Variants in KLHL18 observed in about 807,000 individuals in gnomAD.
The protein encoded by KLHL18 is kelch-like protein 18.
Under a neutral mutation model 58.5 loss-of-function variants are expected in KLHL18, and 38 were observed. That is an observed-to-expected ratio of 0.65 (90% CI 0.50 to 0.85). The LOEUF (loss-of-function observed/expected upper bound fraction) is 0.85. Among genes scored for constraint, KLHL18 ranks in the 40% least tolerant of loss-of-function variants. KLHL18 has a pLI of 0.00. For missense variants in KLHL18, 624 were observed against 778.4 expected, an observed-to-expected ratio of 0.80 and a Z score of 2.36; for synonymous variants, 303 against 301.9, an observed-to-expected ratio of 1.00 and a Z score of -0.04.
At chr3:47,332,722 G>A (rs1006897634) in intron 4 of KLHL18, among the ~76,000 whole-genome samples, 7 of 152,030 alleles carry the variant, frequency 4.6e-5, no homozygotes, top group East Asian at 1.9e-4. Context: ...TGGATCTAGA[G>A]CCAGGCCTTA....
At position 47,314,654 on chromosome 3, in the gene KLHL18, TAA is replaced by T. The variant is rs563805753; in HGVS notation, c.130-4996_130-4995del. ...TGCACTTAGCTCTTATTCTTTATGATAAAAGAAAATCTGCCTTCCTGTAATTT... is the reference window on the plus strand; with the variant it reads ...TGCACTTAGCTCTTATTCTTTATGATAAGAAAATCTGCCTTCCTGTAATTT... On this transcript the variant is annotated intron_variant, in intron 1 of 9. Transcript: ENST00000232766. Among the ~76,000 whole-genome samples the T allele has an allele frequency of 1.5e-4, 23 of 152,306 alleles. No individual in the cohort carries two copies. In the South Asian group the frequency reaches 4.3e-3, roughly 29 times the overall value.
intron 1 of KLHL18, among the ~76,000 whole-genome samples, chr3:47,288,927 A>G (rs1329646078): frequency 1.3e-5 from 2 of 152,216 alleles, no homozygotes; most frequent in Non-Finnish European, 1.5e-5. Context: ...GGCTGCCAGG[A>G]GCCCAAGGCT....
chr3:47,300,287 T>TTTTATATATATATATATA (rs1553630130), intron 1 of KLHL18, among the ~76,000 whole-genome samples: 1 of 133,136 alleles, frequency 7.5e-6, no homozygotes, highest in Non-Finnish European at 1.6e-5. Flanking sequence ...CACCGGCATT[T>TTTTATATATATATATATA]TATATATATA....
intron 1 of KLHL18, among the ~76,000 whole-genome samples, chr3:47,299,064 G>A (rs1381703487): frequency 6.6e-6 from 1 of 152,144 alleles, no homozygotes; most frequent in African/African-American, 2.4e-5. Context: ...AGAATTTTAT[G>A]TCATACAGTT....
intron 1 of KLHL18, among the ~76,000 whole-genome samples, chr3:47,312,037 T>C (rs572791943): frequency 6.6e-6 from 1 of 152,332 alleles, no homozygotes; most frequent in African/African-American, 2.4e-5. Context: ...TGAATTGATC[T>C]TTTTTTCTTA....
At chr3:47,329,896 T>C (rs1445687804) in intron 3 of KLHL18, 55 bp from the exon 4 acceptor site, 36 of 1,490,660 alleles carry the variant, frequency 2.4e-5, no homozygotes, top group African/African-American at 4.1e-5. Context: ...CTGAGAATGA[T>C]CAAAGATAAC....
Position 47,344,753 on chromosome 3 carries a change from A to C in KLHL18, c.*812A>C, listed in dbSNP as rs1190763762. 6.6e-6 allele frequency: 1 copy of C among 152,668 alleles called. No homozygotes were observed. The highest frequency in any genetic ancestry group is 1.9e-4 in the East Asian group (1 of 5,198). The allele number at this position is 152,668 out of a possible 1,614,324, so 9.5% of individuals were successfully genotyped here. A position where few individuals can be genotyped will look rare whatever the true frequency, so the allele number is the denominator to read the frequency against. On this transcript the variant is annotated 3_prime_UTR_variant, in exon 10 of 10. Transcript: ENST00000232766. ...TCTATGTTTAAATGGAAAATCGTCT[A>C]ACTGGAGAAGGGCGGTATCCACCCC...
chr3:47,309,726 A>G (rs1336980575), intron 1 of KLHL18, among the ~76,000 whole-genome samples: 3 of 152,204 alleles, frequency 2.0e-5, no homozygotes, highest in African/African-American at 4.8e-5. Flanking sequence ...CACTGAGTGA[A>G]CGAGACTCCA....
intron 7 of KLHL18, chr3:47,338,469 G>A (rs993488037): frequency 1.3e-5 from 2 of 152,230 alleles, no homozygotes; most frequent in African/African-American, 4.8e-5. Context: ...CAGGGGGTCA[G>A]TTATCATGTC....
At chr3:47,310,677 C>G (rs988587770) in intron 1 of KLHL18, among the ~76,000 whole-genome samples, 5 of 152,200 alleles carry the variant, frequency 3.3e-5, no homozygotes, top group South Asian at 2.1e-4. Context: ...CCTTCTCTGT[C>G]GTTTCTGATC....
chr3:47,311,754 G>A (rs1346780389), intron 1 of KLHL18, among the ~76,000 whole-genome samples: 1 of 152,082 alleles, frequency 6.6e-6, no homozygotes, highest in African/African-American at 2.4e-5. Context: ...TAAGTTATCT[G>A]TTGACTGGTA....
Position 47,334,822 on chromosome 3 carries a change from A to G in KLHL18, c.898+3A>G, listed in dbSNP as rs749054329. On this transcript the variant is annotated splice_donor_region_variant and intron_variant, in intron 6 of 9. Transcript: ENST00000232766. The surrounding 1 kb of genome is among the most constrained non-coding windows in gnomAD (Gnocchi z 4.7). Reference sequence around the variant, plus strand: ...TGTAGGGGGCCTCAACTCAGCAGGTACCTTGCGGCTCCCCTTTATAGACCC... The same window carrying G: ...TGTAGGGGGCCTCAACTCAGCAGGTGCCTTGCGGCTCCCCTTTATAGACCC... The G allele has an allele frequency of 6.8e-6, 11 of 1,609,876 alleles. No homozygotes were observed. Among genetic ancestry groups the G allele is most frequent in the South Asian group, 1.1e-5 (1 of 90,544 alleles).
At chr3:47,311,162 G>A (rs1044745754) in intron 1 of KLHL18, among the ~76,000 whole-genome samples, 5 of 151,842 alleles carry the variant, frequency 3.3e-5, no homozygotes, top group East Asian at 2.0e-4. Flanking sequence ...GGCGCCCACC[G>A]CTTCGCCCGG....
At chr3:47,333,089 G>C (rs2107651918) in intron 4 of KLHL18, 68 bp from the exon 5 acceptor site, 1 of 1,528,872 alleles carries the variant, frequency 6.5e-7, no homozygotes, top group East Asian at 2.3e-5. Context: ...GAGGCATTGA[G>C]ATTGGAGGCC....
intron 3 of KLHL18, among the ~76,000 whole-genome samples, chr3:47,323,008 A>G (rs1312565045): frequency 6.6e-6 from 1 of 151,962 alleles, no homozygotes; most frequent in East Asian, 1.9e-4. Context: ...TTTCTCACCA[A>G]ACTGATTTGT....
Position 47,343,754 on chromosome 3 carries a change from G to T in KLHL18, c.1538G>T (p.Arg513Leu). ...TGCCTGATTGTCCCCATGCACACGC[G>T]CAGGAGCCGGGTCTCCCTGGTGGCC... The part of the protein sequence containing the change: ...QWCLIVPMHT[R>L]RSRVSLVASC... Residue 513 changes from arginine to leucine, a missense_variant, in exon 10 of 10, where the codon CGC becomes CTC. Transcript: ENST00000232766. 1.9e-6 allele frequency: 3 copies of T among 1,614,210 alleles called. No individual in the cohort carries two copies. Among genetic ancestry groups the T allele is most frequent in the Non-Finnish European group, 2.5e-6 (3 of 1,180,050 alleles).
chr3:47,323,589 G>A (rs1168123368), intron 3 of KLHL18, among the ~76,000 whole-genome samples: 1 of 152,158 alleles, frequency 6.6e-6, no homozygotes, highest in African/African-American at 2.4e-5. Context: ...GAGCAGTTAA[G>A]AAGGCTCTCC....
rs1703910322 is a variant in KLHL18 at position 47,333,312 on chromosome 3, A to G, written c.756A>G (p.Lys252=). Residue 252 remains lysine, a synonymous_variant, in exon 5 of 10, where the codon AAA becomes AAG. Coordinates refer to ENST00000232766, the MANE Select transcript of KLHL18 (RefSeq NM_025010.5). ...QQDDLVRCCH[K]CRDLVDEAKD... ...ATGACCTGGTGCGTTGCTGCCACAA[A>G]TGCAGGTGAGTGAGGGTGGACCTGC... The G allele has an allele frequency of 1.2e-6, 2 of 1,613,470 alleles. No individual in the cohort carries two copies. The highest frequency in any genetic ancestry group is 1.7e-6 in the Non-Finnish European group (2 of 1,179,644).
At chr3:47,329,804 G>A in intron 3 of KLHL18, 147 bp from the exon 4 acceptor site, 1 of 661,698 alleles carries the variant, frequency 1.5e-6, no homozygotes, top group Non-Finnish European at 2.6e-6. Context: ...ACCTTTAGAA[G>A]TTGAGTCCCA....
Sources: gnomAD v4.1 joint callset for allele counts (sites outside exome capture counted in the v4.1 genomes callset) on GRCh38, gnomAD v4.1.1 for gene constraint, Gnocchi (gnomAD v3.1) non-coding constraint, MANE v1.5 for transcripts, NCBI Gene and HGNC (gene_info 2026-07-23, HGNC 2026-07-21) for gene names.